The following DOCK4 variants were observed in gnomAD, a reference collection of about 807,000 sequenced individuals.
DOCK4 encodes the protein dedicator of cytokinesis protein 4.
Under a neutral mutation model 268.1 loss-of-function variants are expected in DOCK4, and 97 were observed. The ratio of observed to expected loss-of-function variants is 0.36; its 90% CI spans 0.31 to 0.43. The LOEUF (loss-of-function observed/expected upper bound fraction) is 0.43. Among genes scored for constraint, DOCK4 ranks in the 20% least tolerant of loss-of-function variants. The pLI is 1.00. For synonymous variants in DOCK4, 954 were observed against 887.2 expected, an observed-to-expected ratio of 1.08 and a Z score of -1.34; for missense variants, 2,145 against 2,455.7, an observed-to-expected ratio of 0.87 and a Z score of 2.67.
intron 4 of DOCK4, 59 bp from the exon 5 acceptor site, chr7:111,994,290 T>A: frequency 9.1e-7 from 1 of 1,101,080 alleles, no homozygotes; most frequent in Non-Finnish European, 1.3e-6. Context: ...AATTTTGTTT[T>A]AAATACTCTA....
chr7:112,076,872 C>G (rs949550313), intron 1 of DOCK4, among the ~76,000 whole-genome samples: 2 of 152,082 alleles, frequency 1.3e-5, no homozygotes, highest in Non-Finnish European at 2.9e-5. Flanking sequence ...GAAGCGTTGA[C>G]TGAATATACT....
intron 43 of DOCK4, among the ~76,000 whole-genome samples, chr7:111,746,749 C>A (rs1360958937): frequency 1.3e-5 from 2 of 149,788 alleles, no homozygotes; most frequent in African/African-American, 4.9e-5. Flanking sequence ...GGTATTATAT[C>A]TTTCTGTTTA....
intron 1 of DOCK4, among the ~76,000 whole-genome samples, chr7:112,005,664 AT>A (rs1479285224): frequency 6.6e-6 from 1 of 152,114 alleles, no homozygotes; most frequent in East Asian, 1.9e-4. Flanking sequence ...AGCCAAACTT[AT>A]ACTCAGAATT....
At chr7:111,756,949 G>T (rs1273404179) in intron 41 of DOCK4, among the ~76,000 whole-genome samples, 1 of 152,062 alleles carries the variant, frequency 6.6e-6, no homozygotes, top group South Asian at 2.1e-4. Flanking sequence ...AGGCACACAC[G>T]CCAGCCTGCG....
At chr7:111,849,317 C>T (rs1026561263) in intron 23 of DOCK4, among the ~76,000 whole-genome samples, 3 of 146,126 alleles carry the variant, frequency 2.1e-5, no homozygotes, top group Admixed American at 6.9e-5. Flanking sequence ...GGCTGGAGTG[C>T]AGTGGTGCAA....
chr7:112,082,149 G>A (rs781196562), intron 1 of DOCK4, among the ~76,000 whole-genome samples: 18 of 152,136 alleles, frequency 1.2e-4, no homozygotes, highest in Non-Finnish European at 2.1e-4. Context: ...AGATGCAGAG[G>A]GAACAGTAGT....
intron 1 of DOCK4, among the ~76,000 whole-genome samples, chr7:112,024,930 G>C (rs1251717146): frequency 2.0e-5 from 3 of 152,110 alleles, no homozygotes. Context: ...CTAAGCTACA[G>C]AACTTCACAG....
chr7:111,922,857 A>G (rs1224894899), intron 12 of DOCK4, among the ~76,000 whole-genome samples: 2 of 152,094 alleles, frequency 1.3e-5, no homozygotes, highest in African/African-American at 2.4e-5. Context: ...CTGGGATTAT[A>G]GGTGTGAGCC....
At chr7:112,200,745 A>AAAAAAAAAAAAAAAAT in intron 1 of DOCK4, among the ~76,000 whole-genome samples, 1 of 150,418 alleles carries the variant, frequency 6.6e-6, no homozygotes, top group Non-Finnish European at 1.5e-5. Flanking sequence ...AAAACAAAAA[A>AAAAAAAAAAAAAAAAT]AAACAAGATC....
chr7:111,758,701 T>C lies in DOCK4; in HGVS notation c.4252A>G (p.Lys1418Glu). 1 of 1,614,060 alleles carries C rather than the reference T, an allele frequency of 6.2e-7. No individual in the cohort carries two copies. ...CGGAATTTCCAGATGTGATTCACTT[T>C]ATAGAAGCTTTTGATGTTGTCCGGA... ...GVPDNIKSFY[K>E]VNHIWKFRYD... Residue 1418 changes from lysine to glutamate, a missense_variant, in exon 41 of 53, where the codon AAA becomes GAA. Transcript: ENST00000428084.
At chr7:112,190,058 C>T (rs1037321948) in intron 1 of DOCK4, among the ~76,000 whole-genome samples, 6 of 152,058 alleles carry the variant, frequency 3.9e-5, no homozygotes, top group Admixed American at 3.3e-4. Context: ...GTCAGGATAC[C>T]CTCATCCACT....
chr7:112,172,343 G>A (rs946030839), intron 1 of DOCK4, among the ~76,000 whole-genome samples: 40 of 152,130 alleles, frequency 2.6e-4, no homozygotes, highest in Non-Finnish European at 7.3e-5. Flanking sequence ...TCTTCTTGGT[G>A]GCCACCAGCC....
At chr7:111,925,571 C>T (rs1414598314) in intron 12 of DOCK4, among the ~76,000 whole-genome samples, 1 of 152,142 alleles carries the variant, frequency 6.6e-6, no homozygotes, top group East Asian at 1.9e-4. Context: ...GAGCTGTGAA[C>T]ATTACCAGAG....
intron 23 of DOCK4, among the ~76,000 whole-genome samples, chr7:111,858,802 T>C (rs1264855167): frequency 6.7e-6 from 1 of 149,650 alleles, no homozygotes; most frequent in Non-Finnish European, 1.5e-5. Flanking sequence ...CTTTCCTTCC[T>C]TCCCTCCCTT....
chr7:112,184,523 CT>C (rs1481352448), intron 1 of DOCK4, among the ~76,000 whole-genome samples: 1 of 151,436 alleles, frequency 6.6e-6, no homozygotes, highest in Admixed American at 6.6e-5. Flanking sequence ...ATTCATTTTT[CT>C]TTTTTTTTCC....
At position 112,060,322 on chromosome 7, in the gene DOCK4, A is replaced by C. The variant is rs377525756; in HGVS notation, c.38-56191T>G. 8.5e-5 allele frequency among the ~76,000 whole-genome samples: 13 copies of C among 152,300 alleles called. No homozygotes were observed. The South Asian group carries it at 2.5e-3, about 29-fold the overall frequency. ...ATCAAAAAAACCCCAGAAACTAACA[A>C]ATGTTGGTGAGGATATGGAGAAATT... On this transcript the variant is annotated intron_variant, in intron 1 of 52. Coordinates refer to ENST00000428084, the MANE Select transcript of DOCK4 (RefSeq NM_001363540.2).
intron 1 of DOCK4, among the ~76,000 whole-genome samples, chr7:112,021,856 T>A (rs1156791419): frequency 6.6e-6 from 1 of 152,192 alleles, no homozygotes; most frequent in Admixed American, 6.5e-5. Flanking sequence ...CTAGTTTACA[T>A]GAGCCAGCTG....
chr7:111,774,416 G>T (rs1013492543), intron 36 of DOCK4, among the ~76,000 whole-genome samples: 1 of 151,970 alleles, frequency 6.6e-6, no homozygotes, highest in African/African-American at 2.4e-5. Context: ...GCAGTGGGCC[G>T]AGATTGCACC....
At chr7:111,946,051 G>T (rs978061157) in intron 8 of DOCK4, among the ~76,000 whole-genome samples, 4 of 152,240 alleles carry the variant, frequency 2.6e-5, no homozygotes, top group African/African-American at 9.6e-5. Context: ...TGAAAGACTT[G>T]AATACAATTT....
Sources: gnomAD v4.1 joint callset for allele counts (sites outside exome capture counted in the v4.1 genomes callset) on GRCh38, gnomAD v4.1.1 for gene constraint, MANE v1.5 for transcripts, NCBI Gene and HGNC (gene_info 2026-07-23, HGNC 2026-07-21) for gene names.